The following RASSF6 variants were observed in gnomAD, a reference collection of about 807,000 sequenced individuals.
The protein encoded by RASSF6 is ras association domain-containing protein 6.
RASSF6 carries 52 observed loss-of-function variants against 44.0 expected under a neutral mutation model. The observed-to-expected ratio is 1.18, with a 90% CI of 0.95 to 1.49. The LOEUF (loss-of-function observed/expected upper bound fraction) is 1.49. RASSF6 is among the 40% of genes most tolerant of loss of function. RASSF6 has a pLI of 0.00. For missense variants in RASSF6, 464 were observed against 393.3 expected (o/e 1.18, Z -1.52); for synonymous variants, 162 against 124.6 (o/e 1.30, Z -2.00).
rs1722990670 is a variant in RASSF6 at position 73,572,942 on chromosome 4, AATAC to A, written c.*3289_*3292del. ...GCAAATATTAGTGTTCACACACACAAATACATATATATATACACACACATACATA... is the reference window on the plus strand; with the variant it reads ...GCAAATATTAGTGTTCACACACACAAATATATATATACACACACATACATA... On this transcript the variant is annotated 3_prime_UTR_variant, in exon 11 of 11. Coordinates refer to ENST00000307439, the MANE Select transcript of RASSF6 (RefSeq NM_177532.5). 1 of 152,154 alleles carries A rather than the reference AATAC, an allele frequency of 6.6e-6. No individual in the cohort carries two copies. Among genetic ancestry groups the A allele is most frequent in the South Asian group, 2.1e-4 (1 of 4,822 alleles). The allele number at this position is 152,154 out of a possible 1,614,324, so 9.4% of individuals were successfully genotyped here.
At chr4:73,615,049 C>T (rs1246049691) in intron 1 of RASSF6, among the ~76,000 whole-genome samples, 1 of 151,832 alleles carries the variant, frequency 6.6e-6, no homozygotes, top group Admixed American at 6.6e-5. Context: ...TGTGGTGGAA[C>T]ACACTTTTAA....
At chr4:73,582,048 T>C (rs1272959726) in intron 7 of RASSF6, 141 bp downstream of exon 7, 22 of 656,558 alleles carry the variant, frequency 3.4e-5, no homozygotes, top group Non-Finnish European at 5.4e-5. Context: ...AAAGGTGTTA[T>C]ACAAAGGAAA....
intron 2 of RASSF6, among the ~76,000 whole-genome samples, chr4:73,601,479 T>C (rs1227075412): frequency 6.6e-6 from 1 of 152,234 alleles, no homozygotes; most frequent in African/African-American, 2.4e-5. Flanking sequence ...TAGAAGTATT[T>C]TTCTCACCAT....
chr4:73,595,829 A>G (rs933347120), intron 3 of RASSF6, among the ~76,000 whole-genome samples: 2 of 152,194 alleles, frequency 1.3e-5, no homozygotes, highest in African/African-American at 4.8e-5. Flanking sequence ...TAACTGAAAT[A>G]CCCAATTGAA....
At chr4:73,581,570 A>T (rs182738600) in intron 8 of RASSF6, among the ~76,000 whole-genome samples, 1 of 152,314 alleles carries the variant, frequency 6.6e-6, no homozygotes, top group Non-Finnish European at 1.5e-5. Flanking sequence ...CCATTTAGAT[A>T]ATTTAATGTC....
chr4:73,604,965 T>C (rs1476039070), intron 2 of RASSF6, among the ~76,000 whole-genome samples: 2 of 151,220 alleles, frequency 1.3e-5, no homozygotes, highest in East Asian at 1.9e-4. Context: ...TCTCATCTCA[T>C]TGCAACCTCC....
intron 8 of RASSF6, among the ~76,000 whole-genome samples, chr4:73,580,379 T>C (rs1723538066): frequency 1.3e-5 from 2 of 149,090 alleles, no homozygotes; most frequent in South Asian, 4.2e-4. Flanking sequence ...GTCCTTTGGG[T>C]ATATACCCAG....
intron 4 of RASSF6, among the ~76,000 whole-genome samples, chr4:73,589,240 C>T (rs1206876511): frequency 6.6e-6 from 1 of 152,100 alleles, no homozygotes; most frequent in African/African-American, 2.4e-5. Flanking sequence ...AGCCCAACTA[C>T]AGGTAATAAC....
chr4:73,585,289 G>A lies in RASSF6; in HGVS notation c.458C>T (p.Thr153Ile), dbSNP rs781754338. ...DEPDSPVLYR[T>I]MSEAALVRKR... ...TCTCACCAGAGCTGCTTCACTCATGGTTCTATAGAGCACTGGGGAGTCTGG... is the reference window on the plus strand; with the variant it reads ...TCTCACCAGAGCTGCTTCACTCATGATTCTATAGAGCACTGGGGAGTCTGG... Residue 153 changes from threonine to isoleucine, a missense_variant, in exon 6 of 11, where the codon ACC (threonine) becomes ATC (isoleucine). By Grantham distance (89) the Thr-to-Ile change is moderately conservative. Transcript: ENST00000307439. 6.2e-7 allele frequency: 1 copy of A among 1,612,620 alleles called. No individual in the cohort carries two copies. Among genetic ancestry groups the A allele is most frequent in the African/African-American group, 1.3e-5 (1 of 74,786 alleles).
At chr4:73,604,884 C>CTTTTTTTTTTTTTT (rs35609056) in intron 2 of RASSF6, among the ~76,000 whole-genome samples, 8 of 138,332 alleles carry the variant, frequency 5.8e-5, no homozygotes, top group Admixed American at 7.3e-5. Flanking sequence ...CATTTTCTTT[C>CTTTTTTTTTTTTTT]TTTTTTTTTT....
At chr4:73,592,041 T>G (rs1312227265) in intron 4 of RASSF6, among the ~76,000 whole-genome samples, 2 of 152,140 alleles carry the variant, frequency 1.3e-5, no homozygotes, top group Non-Finnish European at 2.9e-5. Flanking sequence ...GGAGAACATG[T>G]TACCTCACCT....
chr4:73,588,783 G>A (rs199829303), intron 4 of RASSF6, among the ~76,000 whole-genome samples: 1,537 of 148,698 alleles, frequency 0.01, 30 homozygotes, highest in African/African-American at 0.036. Flanking sequence ...CATCTCCATT[G>A]TCATCATCAT....
intron 8 of RASSF6, among the ~76,000 whole-genome samples, chr4:73,580,734 T>A (rs1723571943): frequency 7.2e-6 from 1 of 138,114 alleles, no homozygotes; most frequent in Non-Finnish European, 1.6e-5. Context: ...GTTTTTTTCT[T>A]GTAAATTTGT....
At position 73,587,880 on chromosome 4, in the gene RASSF6, C is replaced by T. The variant is rs554119016; in HGVS notation, c.342G>A (p.Arg114=). 1.2e-6 allele frequency: 2 copies of T among 1,610,306 alleles called. No individual in the cohort carries two copies. Among genetic ancestry groups the T allele is most frequent in the East Asian group, 2.2e-5 (1 of 44,750 alleles). Residue 114 remains arginine (R), a synonymous_variant, in exon 5 of 11, where the codon AGG becomes AGA. Coordinates refer to ENST00000307439, the MANE Select transcript of RASSF6 (RefSeq NM_177532.5). ...DDLYRISELD[R]TQIPMSEKRN... ...TTTTTTCAGACATAGGAATCTGGGT[C>T]CTGTCCAGCTCACTAATACGATAGA...
chr4:73,612,065 T>C (rs1726052497), intron 1 of RASSF6, among the ~76,000 whole-genome samples: 1 of 152,206 alleles, frequency 6.6e-6, no homozygotes, highest in African/African-American at 2.4e-5. Context: ...CTGTTTTAGA[T>C]ATATTTCTAG....
At chr4:73,612,736 T>A (rs896551068) in intron 1 of RASSF6, among the ~76,000 whole-genome samples, 1 of 152,172 alleles carries the variant, frequency 6.6e-6, no homozygotes, top group African/African-American at 2.4e-5. Flanking sequence ...TCAGGGTGAA[T>A]GCTTGGCTGG....
At chr4:73,600,612 A>G (rs1725221297) in intron 2 of RASSF6, among the ~76,000 whole-genome samples, 1 of 152,146 alleles carries the variant, frequency 6.6e-6, no homozygotes. Context: ...ATTTATATAT[A>G]CTGACTGTTA....
At chr4:73,608,276 C>T (rs1198070029) in intron 2 of RASSF6, among the ~76,000 whole-genome samples, 3 of 151,686 alleles carry the variant, frequency 2.0e-5, no homozygotes, top group Non-Finnish European at 4.4e-5. Flanking sequence ...ATGATCTCAT[C>T]GTTTTTAAAC....
chr4:73,601,666 G>A (rs1725285571), intron 2 of RASSF6, among the ~76,000 whole-genome samples: 1 of 152,220 alleles, frequency 6.6e-6, no homozygotes, highest in African/African-American at 2.4e-5. Flanking sequence ...AATGGTGAAT[G>A]TTGTCCAAAC....
Sources: allele counts gnomAD v4.1 joint callset (sites outside exome capture counted in the v4.1 genomes callset), GRCh38; gene constraint gnomAD v4.1.1; transcripts MANE v1.5; gene names NCBI Gene and HGNC (gene_info 2026-07-23, HGNC 2026-07-21).